The following CBLB variants were observed in gnomAD, a reference collection of about 807,000 sequenced individuals.
CBLB encodes the protein Cbl proto-oncogene B.
Under a neutral mutation model 104.9 loss-of-function variants are expected in CBLB, and 31 were observed. The observed-to-expected ratio is 0.30, with a 90% CI of 0.22 to 0.40. The LOEUF (loss-of-function observed/expected upper bound fraction) is 0.40. CBLB is among the 10% of genes least tolerant of loss of function. CBLB has a pLI of 1.00. For missense variants in CBLB, 1,062 were observed against 1,214.6 expected, an observed-to-expected ratio of 0.87 and a Z score of 1.87; for synonymous variants, 440 against 422.6, an observed-to-expected ratio of 1.04 and a Z score of -0.51.
intron 18 of CBLB, among the ~76,000 whole-genome samples, chr3:105,665,683 C>T (rs2152685260): frequency 6.8e-6 from 1 of 147,542 alleles, no homozygotes; most frequent in African/African-American, 2.5e-5. Context: ...TTATATTTTA[C>T]TGCATAACTA....
intron 10 of CBLB, among the ~76,000 whole-genome samples, chr3:105,706,433 A>T (rs977603944): frequency 1.3e-5 from 2 of 152,198 alleles, no homozygotes; most frequent in Non-Finnish European, 1.5e-5. Context: ...TCACAAACTG[A>T]CTTGAGTACA....
At chr3:105,703,236 T>A (rs2069525588) in intron 11 of CBLB, among the ~76,000 whole-genome samples, 1 of 152,208 alleles carries the variant, frequency 6.6e-6, no homozygotes, top group African/African-American at 2.4e-5. Flanking sequence ...TGTGTTTACA[T>A]AATTCTAAAT....
chr3:105,660,977 T>G (rs2063739532), intron 18 of CBLB, among the ~76,000 whole-genome samples: 2 of 151,804 alleles, frequency 1.3e-5, no homozygotes, highest in African/African-American at 4.8e-5. Context: ...TTTTTTTTTT[T>G]TTTTTAAATG....
intron 17 of CBLB, chr3:105,670,631 AAAACAGCTTCT>A: frequency 2.6e-6 from 1 of 380,976 alleles, no homozygotes; most frequent in Middle Eastern, 7.9e-4. Context: ...GTTGACAATA[AAAACAGCTTCT>A]AAATTTTATT....
At chr3:105,681,693 C>T in intron 15 of CBLB, 31 bp downstream of exon 15, 2 of 1,596,282 alleles carry the variant, frequency 1.3e-6, no homozygotes, top group Non-Finnish European at 1.7e-6. Flanking sequence ...TTAAGATGTA[C>T]ATCACAAAGG....
At chr3:105,669,451 T>C (rs2064836196) in intron 18 of CBLB, among the ~76,000 whole-genome samples, 1 of 152,144 alleles carries the variant, frequency 6.6e-6, no homozygotes, top group Non-Finnish European at 1.5e-5. Flanking sequence ...TCCAGAACTG[T>C]GAGATATAAA....
chr3:105,774,947 A>G (rs1292860479), intron 4 of CBLB, among the ~76,000 whole-genome samples: 1 of 152,226 alleles, frequency 6.6e-6, no homozygotes, highest in Non-Finnish European at 1.5e-5. Context: ...CAATGTTAAT[A>G]CATGAACTGC....
In CBLB at chr3:105,737,234, A is replaced by T; in HGVS notation, c.1008T>A (p.Ser336Arg). The T allele has an allele frequency of 6.3e-7, 1 of 1,580,614 alleles. No individual in the cohort carries two copies. Among genetic ancestry groups the T allele is most frequent in the Non-Finnish European group, 8.7e-7 (1 of 1,152,044 alleles). The change falls in exon 8 of 19, where the codon AGT (serine) becomes AGA (arginine). Residue 336 changes from serine to arginine, a missense_variant. Physicochemically the swap from Ser to Arg is moderately radical, Grantham distance 110. Transcript: ENST00000394030. ...EGFYLYPDGRSYNPDLTGLCE... is the reference protein window; with the variant it reads ...EGFYLYPDGRRYNPDLTGLCE... ...ATAATCCAGTTAAATCAGGATTATA[A>T]CTCCTCCCATCAGGATAAAGATAAC...
At chr3:105,820,362 A>G (rs937009826) in intron 3 of CBLB, among the ~76,000 whole-genome samples, 4 of 152,208 alleles carry the variant, frequency 2.6e-5, no homozygotes, top group Non-Finnish European at 4.4e-5. Flanking sequence ...TCTGTGGCCC[A>G]GGGGTTAAGG....
chr3:105,847,913 A>C (rs2090483159), intron 3 of CBLB, among the ~76,000 whole-genome samples: 1 of 152,130 alleles, frequency 6.6e-6, no homozygotes, highest in Non-Finnish European at 1.5e-5. Context: ...ATCCATTTTT[A>C]CTTGCGCCAC....
At position 105,658,813 on chromosome 3, in the gene CBLB, A is replaced by C. The variant is rs2063510181; in HGVS notation, c.*157T>G. On this transcript the variant is annotated 3_prime_UTR_variant, in exon 19 of 19. Transcript: ENST00000394030. Reference sequence around the variant, plus strand: ...ACAGCTGTCGACATCCTGAGCAAGCATCGGTCTCCTTTGAGAAGCTGCACT... The same window carrying C: ...ACAGCTGTCGACATCCTGAGCAAGCCTCGGTCTCCTTTGAGAAGCTGCACT... The C allele has an allele frequency of 4.1e-6, 3 of 739,076 alleles. No individual in the cohort carries two copies. The highest frequency in any genetic ancestry group is 6.8e-6 in the Non-Finnish European group (3 of 443,504). 45.8% of individuals were successfully genotyped at this position (739,076 alleles called of 1,614,324 possible).
intron 17 of CBLB, among the ~76,000 whole-genome samples, chr3:105,675,270 AGTTT>A (rs1017059092): frequency 3.3e-5 from 5 of 152,300 alleles, no homozygotes; most frequent in African/African-American, 1.2e-4. Context: ...ATGCTCACAG[AGTTT>A]GTTTAAATTT....
intron 9 of CBLB, among the ~76,000 whole-genome samples, chr3:105,731,668 T>C (rs12639271): frequency 0.13 from 20,355 of 152,146 alleles, 1,622 homozygotes; most frequent in East Asian, 0.41. Context: ...GTCCAGGCTG[T>C]TCTCGAACTC....
intron 4 of CBLB, among the ~76,000 whole-genome samples, chr3:105,758,233 G>T (rs1406817733): frequency 6.6e-6 from 1 of 152,198 alleles, no homozygotes; most frequent in East Asian, 1.9e-4. Flanking sequence ...AAAACACTCT[G>T]GTTACATAGT....
At chr3:105,748,680 G>T (rs1031346748) in intron 5 of CBLB, among the ~76,000 whole-genome samples, 1 of 152,190 alleles carries the variant, frequency 6.6e-6, no homozygotes, top group Non-Finnish European at 1.5e-5. Flanking sequence ...GAGGAAATGA[G>T]GAAGGTGACC....
rs770436351 is a variant in CBLB, at chr3:105,853,689, TAA to T, written c.169-27_169-26del. ...CCTAAAAACAAAGATAAAAATAAAA[TAA>T]GTCATAATATTTTATTTCACAGAAA... is the stretch of plus-strand genomic sequence containing the variant. On this transcript the variant is annotated intron_variant, in intron 2 of 18. Coordinates refer to ENST00000394030, the MANE Select transcript of CBLB (RefSeq NM_170662.5). The T allele has an allele frequency of 8.0e-6, 12 of 1,493,076 alleles. No individual in the cohort carries two copies. The South Asian group carries it at 1.2e-4, about 15-fold the overall frequency. The allele number at this position is 1,493,076 out of a possible 1,614,324, so 92.5% of individuals were successfully genotyped here.
chr3:105,690,721 C>T (rs920937399), intron 13 of CBLB, among the ~76,000 whole-genome samples: 1 of 151,460 alleles, frequency 6.6e-6, no homozygotes. Flanking sequence ...ACTTGAAAGG[C>T]TGAGGCAGGA....
chr3:105,738,361 A>AT (rs2075175040), intron 7 of CBLB, among the ~76,000 whole-genome samples: 1 of 152,112 alleles, frequency 6.6e-6, no homozygotes, highest in African/African-American at 2.4e-5. Context: ...CAGTGAGATG[A>AT]TTTTTTTATG....
At chr3:105,804,393 C>A (rs931517464) in intron 3 of CBLB, among the ~76,000 whole-genome samples, 5 of 151,782 alleles carry the variant, frequency 3.3e-5, no homozygotes, top group African/African-American at 7.3e-5. Context: ...TGGTGGCAGG[C>A]GCCTGTGATC....
Sources: allele counts gnomAD v4.1 joint callset (sites outside exome capture counted in the v4.1 genomes callset), GRCh38; gene constraint gnomAD v4.1.1; transcripts MANE v1.5; gene names NCBI Gene and HGNC (gene_info 2026-07-23, HGNC 2026-07-21).